Variants in FIRRM observed in about 807,000 individuals in gnomAD.
FIRRM encodes FIGNL1-interacting regulator of recombination and mitosis.
chr1:169,789,285 C>A, the FIRRM span, among the ~76,000 whole-genome samples: 1 of 152,148 alleles, frequency 6.6e-6, no homozygotes, highest in Non-Finnish European at 1.5e-5. Flanking sequence ...TAGTAAGCAC[C>A]TGAAGAAAAT....
the FIRRM span, chr1:169,851,609 C>T: frequency 3.2e-6 from 2 of 615,738 alleles, no homozygotes; most frequent in African/African-American, 3.7e-5. Context: ...CCTGCAAAGA[C>T]AACTCTATAA....
the FIRRM span, among the ~76,000 whole-genome samples, chr1:169,842,000 A>ATTAAAATACAAAT: frequency 2.0e-5 from 3 of 151,894 alleles, no homozygotes; most frequent in Non-Finnish European, 4.4e-5. Flanking sequence ...ACATGGTGAA[A>ATTAAAATACAAAT]ACTGAGTCTC....
the FIRRM span, among the ~76,000 whole-genome samples, chr1:169,785,724 G>T: frequency 6.6e-6 from 1 of 152,042 alleles, no homozygotes; most frequent in Non-Finnish European, 1.5e-5. Flanking sequence ...GAACTTTTTA[G>T]GTGCAAAAAA....
At chr1:169,815,025 C>T in the FIRRM span, among the ~76,000 whole-genome samples, 19 of 151,572 alleles carry the variant, frequency 1.3e-4, no homozygotes, top group Admixed American at 1.2e-3. Flanking sequence ...AGGCCAGGCG[C>T]GGTGGCTCAC....
the FIRRM span, among the ~76,000 whole-genome samples, chr1:169,812,037 C>T: frequency 6.6e-6 from 1 of 152,088 alleles, no homozygotes; most frequent in Non-Finnish European, 1.5e-5. Context: ...AAGATGCAAA[C>T]TTTGTTTTAA....
chr1:169,798,844 ATT>A, the FIRRM span: 264 of 820,284 alleles, frequency 3.2e-4, 2 homozygotes, highest in African/African-American at 4.5e-3. Flanking sequence ...AAAGGGTTTT[ATT>A]TTTTTTTTAG....
the FIRRM span, chr1:169,853,118 T>TAGAG: frequency 1.2e-6 from 1 of 854,954 alleles, no homozygotes; most frequent in South Asian, 1.7e-5. Context: ...ATTTGACATT[T>TAGAG]AGAGAACAGG....
chr1:169,799,591 AC>A, the FIRRM span, among the ~76,000 whole-genome samples: 1 of 152,052 alleles, frequency 6.6e-6, no homozygotes, highest in Non-Finnish European at 1.5e-5. Context: ...TCGTTTTGTC[AC>A]CCAGGTTGGA....
the FIRRM span, among the ~76,000 whole-genome samples, chr1:169,794,155 C>T: frequency 6.6e-6 from 1 of 151,880 alleles, no homozygotes; most frequent in African/African-American, 2.4e-5. Flanking sequence ...ACCACTACCA[C>T]CTGGACAAAC....
At chr1:169,804,885 G>A in the FIRRM span, among the ~76,000 whole-genome samples, 3 of 152,102 alleles carry the variant, frequency 2.0e-5, no homozygotes, top group Non-Finnish European at 4.4e-5. Flanking sequence ...GTTTCACCGT[G>A]TTGGCCAGGC....
chr1:169,790,108 C>T, the FIRRM span, among the ~76,000 whole-genome samples: 43 of 152,148 alleles, frequency 2.8e-4, no homozygotes, highest in African/African-American at 1.0e-3. Flanking sequence ...GTCTCAAGTC[C>T]CTTTTGCTGC....
the FIRRM span, among the ~76,000 whole-genome samples, chr1:169,819,835 G>A: frequency 2.6e-5 from 4 of 152,104 alleles, no homozygotes; most frequent in African/African-American, 9.7e-5. Flanking sequence ...AATGGTAAAG[G>A]TCACACAGAT....
At chr1:169,837,513 A>C in the FIRRM span, among the ~76,000 whole-genome samples, 1 of 152,194 alleles carries the variant, frequency 6.6e-6, no homozygotes, top group Non-Finnish European at 1.5e-5. Context: ...TTCCCTCATA[A>C]AATAATGGAA....
the FIRRM span, chr1:169,850,868 CTAA>C: frequency 6.6e-6 from 1 of 151,512 alleles, no homozygotes; most frequent in Non-Finnish European, 1.5e-5. Flanking sequence ...AGTGAGATGA[CTAA>C]TGAGGATCCC....
At chr1:169,847,709 C>T in the FIRRM span, 6 of 1,613,222 alleles carry the variant, frequency 3.7e-6, no homozygotes, top group Non-Finnish European at 5.1e-6. Context: ...TTGCAGACCT[C>T]GCTACTTAAA....
chr1:169,816,646 C>T, the FIRRM span, among the ~76,000 whole-genome samples: 1 of 152,120 alleles, frequency 6.6e-6, no homozygotes, highest in Non-Finnish European at 1.5e-5. Flanking sequence ...TGGGTAAATT[C>T]CTTTCCTCTT....
the FIRRM span, among the ~76,000 whole-genome samples, chr1:169,841,842 G>A: frequency 6.6e-6 from 1 of 152,098 alleles, no homozygotes; most frequent in South Asian, 2.1e-4. Flanking sequence ...GTAGATTTCT[G>A]CTTCCATTTG....
chr1:169,792,548 T>C, the FIRRM span: 11,972 of 1,479,716 alleles, frequency 8.1e-3, 76 homozygotes, highest in Middle Eastern at 0.014. Flanking sequence ...CTTCTGTTTA[T>C]TTCATTTTGG....
the FIRRM span, among the ~76,000 whole-genome samples, chr1:169,785,179 A>G: frequency 2.3e-4 from 35 of 152,304 alleles, no homozygotes; most frequent in African/African-American, 8.4e-4. Context: ...CTGCGCCACC[A>G]TGAGCTCAAA....
Sources: allele counts gnomAD v4.1 joint callset (sites outside exome capture counted in the v4.1 genomes callset), GRCh38; gene constraint gnomAD v4.1.1; transcripts MANE v1.5; gene names NCBI Gene and HGNC (gene_info 2026-07-23, HGNC 2026-07-21).